USH2A: variants seen among roughly 807,000 people sequenced by gnomAD.
USH2A encodes usherin.
In USH2A, 443 loss-of-function variants were observed where a neutral mutation model predicts 538.9. The ratio of observed to expected loss-of-function variants is 0.82; its 90% confidence interval spans 0.76 to 0.89. The LOEUF is 0.89. USH2A is among the 40% of genes least tolerant of loss of function. The pLI is 0.00. For missense variants in USH2A, 6,633 were observed against 6,324.8 expected (o/e 1.05, Z -1.65); for synonymous variants, 2,413 against 2,273.5 (o/e 1.06, Z -1.75).
intron 11 of USH2A, among the ~76,000 whole-genome samples, chr1:216,276,759 C>T (rs1301162633): frequency 6.6e-6 from 1 of 152,068 alleles, no homozygotes; most frequent in Non-Finnish European, 1.5e-5. Flanking sequence ...AAAGCTTGTG[C>T]AGGTAAACTC....
chr1:216,226,359 C>T (rs2035561620), intron 14 of USH2A, among the ~76,000 whole-genome samples: 1 of 152,310 alleles, frequency 6.6e-6, no homozygotes, highest in Middle Eastern at 3.4e-3. Context: ...TATTAGTCAA[C>T]ATTCCAATCT....
At chr1:215,759,913 C>T in intron 56 of USH2A, 70 bp from the exon 57 acceptor site, 3 of 1,560,156 alleles carry the variant, frequency 1.9e-6, no homozygotes, top group East Asian at 2.2e-5. Flanking sequence ...GTCACACCAT[C>T]CCCCCCATGA....
At chr1:216,012,328 A>C (rs1668594941) in intron 32 of USH2A, among the ~76,000 whole-genome samples, 1 of 151,854 alleles carries the variant, frequency 6.6e-6, no homozygotes, top group Non-Finnish European at 1.5e-5. Flanking sequence ...GGGATTATTC[A>C]GGCCCTTCCC....
intron 2 of USH2A, among the ~76,000 whole-genome samples, chr1:216,420,037 G>C (rs2039648396): frequency 6.6e-6 from 1 of 152,112 alleles, no homozygotes; most frequent in Admixed American, 6.6e-5. Context: ...TATATAAGTA[G>C]AAATAAAAGT....
At chr1:215,676,602 A>AT (rs530731872) in intron 62 of USH2A, among the ~76,000 whole-genome samples, 40 of 151,950 alleles carry the variant, frequency 2.6e-4, no homozygotes, top group African/African-American at 9.2e-4. Flanking sequence ...AACATACTCC[A>AT]TTTTTTCCCT....
intron 37 of USH2A, among the ~76,000 whole-genome samples, chr1:215,964,904 A>G (rs1315914866): frequency 6.6e-6 from 1 of 152,220 alleles, no homozygotes; most frequent in Non-Finnish European, 1.5e-5. Flanking sequence ...CTTGTTTAAG[A>G]TGGACTGCAA....
Position 215,970,686 on chromosome 1 carries a change from C to T in USH2A, c.6896G>A (p.Trp2299Ter), listed in dbSNP as rs1188349291. The T allele has an allele frequency of 1.2e-6, 2 of 1,613,666 alleles. No individual in the cohort carries two copies. The highest frequency in any genetic ancestry group is 1.7e-5 in the Admixed American group (1 of 59,936). The part of the protein sequence containing the change: ...LSYRAYGFAP[W>*]SLHSFRVQAC... ...TTGGACTCTGAAGGAATGTAAACTC[C>T]AAGGAGCAAATCCGTAAGCACGATA... Residue 2299 changes from tryptophan (W) to a stop codon, truncating the protein, a stop_gained, in exon 36 of 72, where the codon TGG becomes TAG. Transcript: ENST00000307340. LOFTEE classifies it high-confidence loss of function.
intron 55 of USH2A, among the ~76,000 whole-genome samples, chr1:215,773,498 C>G (rs1302431419): frequency 2.7e-5 from 4 of 145,726 alleles, no homozygotes; most frequent in African/African-American, 5.6e-5. Context: ...CTCTGTCTCT[C>G]TCTCTCTCTC....
At chr1:216,187,323 A>G (rs1043197294) in intron 20 of USH2A, among the ~76,000 whole-genome samples, 1 of 151,882 alleles carries the variant, frequency 6.6e-6, no homozygotes, top group African/African-American at 2.4e-5. Context: ...AGAATCCTCC[A>G]CAGTGCTTTA....
chr1:215,729,853 C>T (rs551895690), intron 60 of USH2A, among the ~76,000 whole-genome samples: 4 of 152,274 alleles, frequency 2.6e-5, no homozygotes, highest in Middle Eastern at 6.8e-3. Flanking sequence ...GGCTGGTCTT[C>T]CCCAAGCAAG....
chr1:216,174,005 T>C (rs1310691737), intron 21 of USH2A: 1 of 985,230 alleles, frequency 1.0e-6, no homozygotes, highest in Non-Finnish European at 1.2e-6. Context: ...AATGGTTCAA[T>C]TTCTAATACT....
Position 215,648,538 on chromosome 1 carries a change from C to T in USH2A, c.14572G>A (p.Val4858Ile). 6.2e-7 allele frequency: 1 copy of T among 1,614,152 alleles called. No individual in the cohort carries two copies. The highest frequency in any genetic ancestry group is 8.5e-7 in the Non-Finnish European group (1 of 1,180,014). The stretch of plus-strand genomic sequence containing the variant: ...TGCCTGACCCATTACCTGTGAATGA[C>T]ACCATTGGGGAACATGGGGGGACTC... ...RWSPPMFPNG[V>I]IHSYELQFHV... The change falls in exon 66 of 72, where the codon GTC (valine) becomes ATC (isoleucine). Residue 4858 changes from valine (V) to isoleucine (I), a missense_variant. Transcript: ENST00000307340.
chr1:215,804,094 A>G (rs1221210477), intron 49 of USH2A, among the ~76,000 whole-genome samples: 4 of 152,012 alleles, frequency 2.6e-5, no homozygotes, highest in African/African-American at 7.3e-5. Flanking sequence ...TAGAAAGCTG[A>G]AACTGGATCC....
chr1:215,979,222 A>G (rs1667693819), intron 35 of USH2A, among the ~76,000 whole-genome samples: 1 of 152,136 alleles, frequency 6.6e-6, no homozygotes, highest in Non-Finnish European at 1.5e-5. Flanking sequence ...GCATGGGAAA[A>G]ACATGCCCCC....
intron 3 of USH2A, among the ~76,000 whole-genome samples, chr1:216,407,703 A>G (rs2039418947): frequency 6.6e-6 from 1 of 152,194 alleles, no homozygotes; most frequent in Non-Finnish European, 1.5e-5. Flanking sequence ...TTGTTCATGT[A>G]TAACTGAAGG....
rs1273807173 is a variant in USH2A, at chr1:215,816,854, G to A, written c.9570+143C>T. On this transcript the variant is annotated intron_variant, in intron 48 of 71. Coordinates refer to ENST00000307340, the MANE Select transcript of USH2A (RefSeq NM_206933.4). Reference sequence around the variant, plus strand: ...ATGAGGGTGATAGTGATTTTTGTAAGCATCCTTTCTTTTCCGTGGAGTCTT... The same window carrying A: ...ATGAGGGTGATAGTGATTTTTGTAAACATCCTTTCTTTTCCGTGGAGTCTT... The A allele has an allele frequency of 3.4e-6, 3 of 873,646 alleles. No homozygotes were observed. In the Admixed American group the frequency reaches 6.8e-5, roughly 20 times the overall value. The allele number at this position is 873,646 out of a possible 1,614,324, so 54.1% of individuals were successfully genotyped here. A position where few individuals can be genotyped will look rare whatever the true frequency, so the allele number is the denominator to read the frequency against.
intron 49 of USH2A, among the ~76,000 whole-genome samples, chr1:215,813,436 T>C (rs1033660512): frequency 1.3e-5 from 2 of 152,170 alleles, no homozygotes; most frequent in African/African-American, 4.8e-5. Flanking sequence ...AGTGAAAATA[T>C]ATAGTCATGT....
chr1:215,782,527 T>C lies in USH2A; in HGVS notation c.10585+211A>G, dbSNP rs12122550. Among the ~76,000 whole-genome samples, 55,116 of 151,952 alleles carry C rather than the reference T, an allele frequency of 0.36. 10,330 individuals are homozygous for C. Among genetic ancestry groups the C allele is most frequent in the African/African-American group, 0.45 (18,729 of 41,408 alleles). ...TATTCTGGGATTCAAGGAACTTTCATTTCTATTTTTTTACTTATTTAGGCT... is the reference window on the plus strand; with the variant it reads ...TATTCTGGGATTCAAGGAACTTTCACTTCTATTTTTTTACTTATTTAGGCT... On this transcript the variant is annotated intron_variant, in intron 53 of 71. Transcript: ENST00000307340.
At chr1:216,352,661 A>C (rs2102692432) in intron 4 of USH2A, among the ~76,000 whole-genome samples, 1 of 152,266 alleles carries the variant, frequency 6.6e-6, no homozygotes, top group South Asian at 2.1e-4. Flanking sequence ...AAATAACAAC[A>C]TGCCTTTATT....
Sources: allele counts gnomAD v4.1 joint callset (sites outside exome capture counted in the v4.1 genomes callset), GRCh38; gene constraint gnomAD v4.1.1; transcripts MANE v1.5; gene names NCBI Gene and HGNC (gene_info 2026-07-23, HGNC 2026-07-21).